The following SVOP variants were observed in gnomAD, a reference collection of about 807,000 sequenced individuals.
The protein encoded by SVOP is synaptic vesicle 2-related protein.
SVOP carries 17 observed loss-of-function variants against 69.1 expected under a neutral mutation model. The ratio of observed to expected loss-of-function variants is 0.25; its 90% CI spans 0.17 to 0.37. The LOEUF (loss-of-function observed/expected upper bound fraction) is 0.37. Among genes scored for constraint, SVOP ranks in the 10% least tolerant of loss-of-function variants. The pLI is 1.00. For synonymous variants in SVOP, 238 were observed against 238.6 expected (o/e 1.00, Z 0.02); for missense variants, 435 against 597.5 (o/e 0.73, Z 2.84).
intron 5 of SVOP, among the ~76,000 whole-genome samples, chr12:108,964,285 G>T (rs1361343371): frequency 2.6e-5 from 4 of 152,074 alleles, no homozygotes; most frequent in Non-Finnish European, 4.4e-5. Flanking sequence ...AGGAAGTGAT[G>T]ATAATAATAA....
At chr12:108,935,189 G>A (rs1218915884) in intron 10 of SVOP, among the ~76,000 whole-genome samples, 1 of 152,148 alleles carries the variant, frequency 6.6e-6, no homozygotes, top group African/African-American at 2.4e-5. Flanking sequence ...CGTCAACTTG[G>A]ACATGTGATT....
At chr12:108,931,695 G>A (rs534801427) in intron 11 of SVOP, among the ~76,000 whole-genome samples, 2 of 152,174 alleles carry the variant, frequency 1.3e-5, no homozygotes, top group South Asian at 2.1e-4. Flanking sequence ...TTAGCTGGGC[G>A]TGATGGCGGT....
At chr12:108,985,149 C>T (rs967767036) in intron 1 of SVOP, among the ~76,000 whole-genome samples, 4 of 151,060 alleles carry the variant, frequency 2.6e-5, no homozygotes, top group Admixed American at 2.6e-4. Flanking sequence ...ATCACTTGAA[C>T]CCATAAGGGT....
chr12:108,928,030 C>T lies in SVOP; in HGVS notation c.1049-5233G>A, dbSNP rs141925619. On this transcript the variant is annotated intron_variant, in intron 11 of 15. Coordinates refer to ENST00000610966, the MANE Select transcript of SVOP (RefSeq NM_018711.5). ...AAGCAATTCTCCTGACTTGGCCTCC[C>T]GAGTAGCTGGGATTACAGGCACATG... Among the ~76,000 whole-genome samples, 440 of 151,962 alleles carry T rather than the reference C, an allele frequency of 2.9e-3. 5 individuals carry two copies. Among genetic ancestry groups the T allele is most frequent in the African/African-American group, 0.01 (423 of 41,420 alleles).
At chr12:108,932,306 C>T (rs2039825636) in intron 11 of SVOP, among the ~76,000 whole-genome samples, 1 of 152,086 alleles carries the variant, frequency 6.6e-6, no homozygotes, top group Admixed American at 6.6e-5. Context: ...TGTGAGACAC[C>T]ATACCCAGCC....
chr12:108,954,113 C>CAAAAAAAA (rs760331681), intron 6 of SVOP, among the ~76,000 whole-genome samples: 1 of 61,990 alleles, frequency 1.6e-5, no homozygotes, highest in Non-Finnish European at 3.3e-5. Flanking sequence ...GAATCTGTCT[C>CAAAAAAAA]AAAAAAAAAA....
At chr12:108,931,637 T>G (rs537315368) in intron 11 of SVOP, among the ~76,000 whole-genome samples, 31 of 152,134 alleles carry the variant, frequency 2.0e-4, no homozygotes, top group African/African-American at 6.7e-4. Context: ...ATTGAGACCA[T>G]CCTGGCCAAC....
intron 2 of SVOP, among the ~76,000 whole-genome samples, chr12:108,978,956 C>G (rs1467707708): frequency 6.6e-6 from 1 of 151,970 alleles, no homozygotes; most frequent in African/African-American, 2.4e-5. Flanking sequence ...GAAATATGAC[C>G]CAACAGTTAA....
intron 5 of SVOP, among the ~76,000 whole-genome samples, chr12:108,967,582 G>A (rs1004796358): frequency 5.3e-5 from 8 of 152,102 alleles, no homozygotes; most frequent in African/African-American, 9.7e-5. Context: ...CATGAAGAGC[G>A]GATGCCACAT....
chr12:108,977,086 G>T (rs1305697945), intron 4 of SVOP, among the ~76,000 whole-genome samples: 1 of 152,208 alleles, frequency 6.6e-6, no homozygotes, highest in Non-Finnish European at 1.5e-5. Flanking sequence ...CTAGGGATGT[G>T]GGGATTGGCA....
At chr12:108,932,697 C>G (rs1489868698) in intron 11 of SVOP, among the ~76,000 whole-genome samples, 1 of 151,922 alleles carries the variant, frequency 6.6e-6, no homozygotes, top group Non-Finnish European at 1.5e-5. Context: ...TTCTTATACC[C>G]CCTCCCTCTT....
At chr12:108,983,491 C>G (rs1027236165) in intron 2 of SVOP, 110 bp downstream of exon 2, 2 of 398,260 alleles carry the variant, frequency 5.0e-6, no homozygotes, top group Non-Finnish European at 8.8e-6. Context: ...ACCCCTTGGC[C>G]CCCTGGGCCC....
intron 8 of SVOP, 24 bp from the exon 9 acceptor site, chr12:108,938,979 C>T (rs199680008): frequency 1.2e-6 from 2 of 1,613,762 alleles, no homozygotes; most frequent in South Asian, 1.1e-5. Flanking sequence ...GACAGGAAAC[C>T]CAGGCGTGGC....
intron 11 of SVOP, among the ~76,000 whole-genome samples, chr12:108,929,694 G>C (rs1214076393): frequency 6.6e-6 from 1 of 152,064 alleles, no homozygotes; most frequent in East Asian, 1.9e-4. Flanking sequence ...CCCCCACCCT[G>C]CTCCCTGGCT....
intron 1 of SVOP, among the ~76,000 whole-genome samples, chr12:108,993,131 C>T (rs2040211814): frequency 6.6e-6 from 1 of 152,024 alleles, no homozygotes; most frequent in South Asian, 2.1e-4. Flanking sequence ...CCTCAGGCTC[C>T]CAAGTAGCTG....
intron 1 of SVOP, among the ~76,000 whole-genome samples, chr12:108,992,864 G>T (rs573138255): frequency 6.6e-6 from 1 of 152,108 alleles, no homozygotes; most frequent in Admixed American, 6.5e-5. Flanking sequence ...TTAATTGATG[G>T]TTAAGATGGA....
At position 108,963,987 on chromosome 12, in the gene SVOP, A is replaced by G. The variant is rs577681347; in HGVS notation, c.454-2940T>C. Among the ~76,000 whole-genome samples the G allele has an allele frequency of 4.6e-5, 7 of 152,312 alleles. No individual in the cohort carries two copies. In the East Asian group the frequency reaches 1.3e-3, roughly 29 times the overall value. On this transcript the variant is annotated intron_variant, in intron 5 of 15. Transcript: ENST00000610966. ...TTAAGACTGTATAGTTTCACTTTCC[A>G]AAAATATATTACAATTTTTTTATTA...
At chr12:108,947,436 T>A (rs141095803) in intron 6 of SVOP, among the ~76,000 whole-genome samples, 2,601 of 152,220 alleles carry the variant, frequency 0.017, 31 homozygotes, top group Middle Eastern at 0.082. Flanking sequence ...TAAAAACGAG[T>A]TCATACTGAT....
intron 1 of SVOP, among the ~76,000 whole-genome samples, chr12:108,998,264 A>G (rs2040247993): frequency 6.6e-6 from 1 of 151,212 alleles, no homozygotes; most frequent in Admixed American, 6.6e-5. Flanking sequence ...TTAGAGAAAA[A>G]AGAATAAAAA....
Sources: gnomAD v4.1 joint callset for allele counts (sites outside exome capture counted in the v4.1 genomes callset) on GRCh38, gnomAD v4.1.1 for gene constraint, MANE v1.5 for transcripts, NCBI Gene and HGNC (gene_info 2026-07-23, HGNC 2026-07-21) for gene names.